IFT74: variants seen among roughly 807,000 people sequenced by gnomAD.
The protein encoded by IFT74 is intraflagellar transport protein 74 homolog.
Under a neutral mutation model 96.7 loss-of-function variants are expected in IFT74, and 92 were observed. That is an observed-to-expected ratio of 0.95 (90% CI 0.80 to 1.13). IFT74 has a LOEUF of 1.13. Among genes scored for constraint, IFT74 ranks in the 50% most tolerant of loss-of-function variants. IFT74 has a pLI of 0.00. For missense variants in IFT74, 811 were observed against 698.2 expected (o/e 1.16, Z -1.82); for synonymous variants, 223 against 213.2 (o/e 1.05, Z -0.40).
intron 4 of IFT74, among the ~76,000 whole-genome samples, chr9:26,981,768 A>ATTTT (rs57916629): frequency 7.8e-6 from 1 of 128,786 alleles, no homozygotes; most frequent in Non-Finnish European, 1.7e-5. Flanking sequence ...GATAAGAATA[A>ATTTT]TTTTTTTTTT....
At chr9:26,966,270 T>C (rs1342382690) in intron 2 of IFT74, among the ~76,000 whole-genome samples, 2 of 152,142 alleles carry the variant, frequency 1.3e-5, no homozygotes, top group African/African-American at 4.8e-5. Context: ...ATAGTAGTTA[T>C]ACTAACTTAC....
At chr9:27,031,318 T>A (rs143695532) in intron 13 of IFT74, among the ~76,000 whole-genome samples, 1 of 151,966 alleles carries the variant, frequency 6.6e-6, no homozygotes, top group Admixed American at 6.6e-5. Context: ...ATACAAAAAA[T>A]TAGCCGGGCC....
chr9:27,018,356 G>A (rs907624448), intron 11 of IFT74, among the ~76,000 whole-genome samples: 3 of 152,168 alleles, frequency 2.0e-5, no homozygotes, highest in Non-Finnish European at 4.4e-5. Context: ...AATCCTAGAT[G>A]TTTATATCAA....
chr9:26,989,453 CA>C (rs1333380635), intron 7 of IFT74, among the ~76,000 whole-genome samples: 1 of 151,960 alleles, frequency 6.6e-6, no homozygotes, highest in Non-Finnish European at 1.5e-5. Context: ...TGATTATAAG[CA>C]TTTGGATGAA....
At chr9:27,040,310 G>C (rs548844465) in intron 13 of IFT74, among the ~76,000 whole-genome samples, 2 of 152,166 alleles carry the variant, frequency 1.3e-5, no homozygotes, top group East Asian at 1.9e-4. Flanking sequence ...CAGCACTCTG[G>C]GAGGCTGAAG....
chr9:26,995,957 A>G (rs558916532), intron 8 of IFT74: 2 of 797,560 alleles, frequency 2.5e-6, no homozygotes, highest in East Asian at 2.7e-5. Flanking sequence ...AAAAATAAAC[A>G]TACATTGTAG....
chr9:26,999,517 A>AT, intron 8 of IFT74: 3 of 896,108 alleles, frequency 3.3e-6, no homozygotes, highest in Non-Finnish European at 5.0e-6. Context: ...AGTAGGTCAG[A>AT]TTTTCTTTGC....
intron 13 of IFT74, among the ~76,000 whole-genome samples, chr9:27,033,372 A>G (rs959214736): frequency 1.3e-5 from 2 of 152,066 alleles, no homozygotes; most frequent in Non-Finnish European, 2.9e-5. Flanking sequence ...AGCCTGGGCA[A>G]CAGGGCGAAA....
chr9:26,961,087 T>G (rs980494918), intron 1 of IFT74, among the ~76,000 whole-genome samples: 7 of 149,470 alleles, frequency 4.7e-5, no homozygotes, highest in African/African-American at 1.7e-4. Flanking sequence ...AATCTTGTTT[T>G]TTTTTTTTTT....
Position 26,980,569 on chromosome 9 carries a change from A to G in IFT74, c.257-2A>G. 6.3e-7 allele frequency: 1 copy of G among 1,590,958 alleles called. No individual in the cohort carries two copies. The stretch of plus-strand genomic sequence containing the variant: ...ACTAACACTTAAAACATTTTTTTTT[A>G]GGTCCCCAGAGGCAAATTTTAGACA... On this transcript the variant is annotated splice_acceptor_variant, in intron 3 of 19. Coordinates refer to ENST00000380062, the MANE Select transcript of IFT74 (RefSeq NM_025103.4). LOFTEE classifies it high-confidence loss of function.
At chr9:26,981,951 T>C (rs1463333114) in intron 4 of IFT74, among the ~76,000 whole-genome samples, 1 of 151,716 alleles carries the variant, frequency 6.6e-6, no homozygotes, top group Non-Finnish European at 1.5e-5. Context: ...TATTTTTTAG[T>C]AGAGGTGGGC....
chr9:27,016,559 A>C (rs1160433380), intron 10 of IFT74, among the ~76,000 whole-genome samples: 1 of 152,190 alleles, frequency 6.6e-6, no homozygotes, highest in Non-Finnish European at 1.5e-5. Flanking sequence ...ACTTCTATGG[A>C]CTTTGAATCA....
At chr9:26,993,772 C>T (rs1827998881) in intron 8 of IFT74, 1 of 152,160 alleles carries the variant, frequency 6.6e-6, no homozygotes, top group Non-Finnish European at 1.5e-5. Context: ...GCTCCATCAG[C>T]TCATATTTGA....
chr9:27,031,790 TAAAATGTA>T (rs1563989166), intron 13 of IFT74, among the ~76,000 whole-genome samples: 2 of 146,396 alleles, frequency 1.4e-5, no homozygotes, highest in Non-Finnish European at 3.0e-5. Context: ...ATAAATAAAA[TAAAATGTA>T]AAATAAAATA....
intron 4 of IFT74, among the ~76,000 whole-genome samples, chr9:26,982,704 C>T (rs917330199): frequency 6.6e-6 from 1 of 152,116 alleles, no homozygotes; most frequent in African/African-American, 2.4e-5. Context: ...ATCTGCCCAC[C>T]TTGGCCTCTT....
At chr9:27,032,552 G>A (rs1830174520) in intron 13 of IFT74, among the ~76,000 whole-genome samples, 1 of 151,664 alleles carries the variant, frequency 6.6e-6, no homozygotes. Context: ...GCTTATAGGA[G>A]GTCATCCTTT....
At chr9:27,055,555 A>T in intron 16 of IFT74, 54 bp from the exon 17 acceptor site, 1 of 1,182,672 alleles carries the variant, frequency 8.5e-7, no homozygotes, top group Non-Finnish European at 1.2e-6. Flanking sequence ...ACATTTCCTT[A>T]TGTGAAAGGA....
intron 17 of IFT74, 86 bp from the exon 18 acceptor site, chr9:27,056,248 T>C (rs1308086933): frequency 9.7e-6 from 10 of 1,029,070 alleles, no homozygotes; most frequent in South Asian, 1.5e-5. Flanking sequence ...TACCAGAATA[T>C]AGTTATTGAA....
chr9:26,997,168 C>G (rs538160332), intron 8 of IFT74, among the ~76,000 whole-genome samples: 1 of 150,908 alleles, frequency 6.6e-6, no homozygotes, highest in Middle Eastern at 3.2e-3. Context: ...GCTGAGATCA[C>G]GCCAATGCAT....
Sources: allele counts gnomAD v4.1 joint callset (sites outside exome capture counted in the v4.1 genomes callset), GRCh38; gene constraint gnomAD v4.1.1; transcripts MANE v1.5; gene names NCBI Gene and HGNC (gene_info 2026-07-23, HGNC 2026-07-21).